DLG2: variants seen among roughly 807,000 people sequenced by gnomAD.
DLG2 encodes disks large homolog 2.
A neutral mutation model predicts 132.5 loss-of-function variants in DLG2; 45 were observed. That is an observed-to-expected ratio of 0.34 (90% CI 0.27 to 0.44). The LOEUF (loss-of-function observed/expected upper bound fraction) is 0.44. Ranked by LOEUF, DLG2 falls within the 20% of genes least tolerant of loss-of-function variation. The probability of loss-of-function intolerance (pLI) is 1.00; values close to 1 mark genes in which losing one functional copy is unlikely to be tolerated. For missense variants in DLG2, 1,045 were observed against 1,196.9 expected (o/e 0.87, Z 1.87); for synonymous variants, 424 against 419.6 (o/e 1.01, Z -0.13).
chr11:84,050,153 CTTTT>C (rs59128434), intron 11 of DLG2, among the ~76,000 whole-genome samples: 60 of 141,120 alleles, frequency 4.3e-4, no homozygotes, highest in Non-Finnish European at 4.0e-4. Flanking sequence ...CTACTGGAGA[CTTTT>C]TTTTTTTTTT....
At chr11:84,325,190 T>C (rs142577761) in intron 7 of DLG2, among the ~76,000 whole-genome samples, 1 of 152,272 alleles carries the variant, frequency 6.6e-6, no homozygotes, top group Admixed American at 6.5e-5. Flanking sequence ...TTTTCTTCTA[T>C]TCCTAATTTG....
At chr11:84,754,822 A>G (rs2066644948) in intron 6 of DLG2, among the ~76,000 whole-genome samples, 1 of 152,198 alleles carries the variant, frequency 6.6e-6, no homozygotes, top group African/African-American at 2.4e-5. Flanking sequence ...AGATTACTCA[A>G]TTGTTACAAA....
intron 19 of DLG2, among the ~76,000 whole-genome samples, chr11:83,543,713 T>C (rs2096153252): frequency 6.6e-6 from 1 of 152,142 alleles, no homozygotes; most frequent in African/African-American, 2.4e-5. Flanking sequence ...CAGTGACAAA[T>C]AGTAAGTATG....
chr11:85,342,651 G>A (rs2082578060), intron 3 of DLG2, among the ~76,000 whole-genome samples: 1 of 152,176 alleles, frequency 6.6e-6, no homozygotes, highest in Non-Finnish European at 1.5e-5. Flanking sequence ...ATTACGTGCT[G>A]TGCATAATTG....
chr11:83,982,876 A>T (rs2092918280), intron 11 of DLG2, among the ~76,000 whole-genome samples: 1 of 152,136 alleles, frequency 6.6e-6, no homozygotes, highest in Non-Finnish European at 1.5e-5. Flanking sequence ...GTTAAGTTAC[A>T]CAAATAGTTA....
intron 6 of DLG2, among the ~76,000 whole-genome samples, chr11:84,627,666 G>T (rs191375445): frequency 6.6e-6 from 1 of 152,294 alleles, no homozygotes; most frequent in African/African-American, 2.4e-5. Flanking sequence ...CTGAGACTGG[G>T]TAATTTATAA....
At chr11:85,370,167 G>A (rs1420659199) in intron 3 of DLG2, among the ~76,000 whole-genome samples, 1 of 152,158 alleles carries the variant, frequency 6.6e-6, no homozygotes, top group Non-Finnish European at 1.5e-5. Flanking sequence ...TTTGGCTGCA[G>A]TTAGCACACA....
intron 6 of DLG2, among the ~76,000 whole-genome samples, chr11:84,952,440 C>T (rs1039611219): frequency 6.6e-6 from 1 of 152,094 alleles, no homozygotes; most frequent in Non-Finnish European, 1.5e-5. Flanking sequence ...TGGCGTGAAC[C>T]CGGAAGGCGG....
intron 7 of DLG2, among the ~76,000 whole-genome samples, chr11:84,453,071 C>A (rs944754554): frequency 1.1e-4 from 17 of 147,852 alleles, no homozygotes; most frequent in African/African-American, 4.2e-4. Flanking sequence ...TATAAATTTT[C>A]AAAAAAAAAT....
chr11:85,594,149 T>C (rs1021993059), intron 3 of DLG2, among the ~76,000 whole-genome samples: 4 of 152,194 alleles, frequency 2.6e-5, no homozygotes, highest in African/African-American at 9.6e-5. Flanking sequence ...AAAAAAATGC[T>C]ATGAGATACA....
At chr11:84,461,336 C>T (rs1317827880) in intron 7 of DLG2, among the ~76,000 whole-genome samples, 1 of 150,822 alleles carries the variant, frequency 6.6e-6, no homozygotes. Context: ...GAACAATTAA[C>T]ACAGAACACA....
At chr11:84,508,463 C>T (rs1011951853) in intron 7 of DLG2, among the ~76,000 whole-genome samples, 3 of 147,846 alleles carry the variant, frequency 2.0e-5, no homozygotes, top group African/African-American at 5.0e-5. Flanking sequence ...AGTGCAGTGG[C>T]GCAATCTCAG....
intron 4 of DLG2, among the ~76,000 whole-genome samples, chr11:85,170,731 G>T (rs1188147292): frequency 6.6e-6 from 1 of 152,154 alleles, no homozygotes; most frequent in East Asian, 1.9e-4. Context: ...GCAGGTTTGA[G>T]AAAGTAGGAA....
intron 15 of DLG2, among the ~76,000 whole-genome samples, chr11:83,896,018 T>C (rs1342787998): frequency 6.7e-6 from 1 of 150,064 alleles, no homozygotes; most frequent in African/African-American, 2.5e-5. Flanking sequence ...TGTACTTGCA[T>C]TTAATGAAGT....
At chr11:85,011,993 C>G (rs1241957984) in intron 6 of DLG2, among the ~76,000 whole-genome samples, 1 of 152,094 alleles carries the variant, frequency 6.6e-6, no homozygotes, top group Non-Finnish European at 1.5e-5. Flanking sequence ...AAACCATAGA[C>G]TGGTCAACAA....
chr11:83,946,191 T>G (rs116714064), intron 14 of DLG2, among the ~76,000 whole-genome samples: 3 of 152,112 alleles, frequency 2.0e-5, no homozygotes, highest in Non-Finnish European at 4.4e-5. Context: ...GGCTTCACCA[T>G]GTTGGCCAGG....
At chr11:84,734,440 T>C (rs1252699511) in intron 6 of DLG2, among the ~76,000 whole-genome samples, 1 of 152,172 alleles carries the variant, frequency 6.6e-6, no homozygotes, top group African/African-American at 2.4e-5. Flanking sequence ...TCTCTGTTTG[T>C]CTGTTATTGG....
At chr11:84,106,553 C>T (rs1484641788) in intron 9 of DLG2, among the ~76,000 whole-genome samples, 1 of 152,104 alleles carries the variant, frequency 6.6e-6, no homozygotes, top group Non-Finnish European at 1.5e-5. Context: ...ATTATACAAT[C>T]TACAGGAATT....
At chr11:85,039,403 C>A (rs1356824788) in intron 6 of DLG2, among the ~76,000 whole-genome samples, 3 of 151,858 alleles carry the variant, frequency 2.0e-5, no homozygotes, top group African/African-American at 7.2e-5. Context: ...AAATGTGAGG[C>A]AATATAGCAT....
Sources: gnomAD v4.1 joint callset for allele counts (sites outside exome capture counted in the v4.1 genomes callset) on GRCh38, gnomAD v4.1.1 for gene constraint, MANE v1.5 for transcripts, NCBI Gene and HGNC (gene_info 2026-07-23, HGNC 2026-07-21) for gene names.